RAD51B: variants seen among roughly 807,000 people sequenced by gnomAD.
RAD51B encodes the protein RAD51 paralog B.
RAD51B carries 38 observed loss-of-function variants against 42.2 expected under a neutral mutation model. The ratio of observed to expected loss-of-function variants is 0.90; its 90% CI spans 0.70 to 1.18. RAD51B has a LOEUF of 1.18. Ranked by LOEUF, RAD51B falls within the 50% of genes most tolerant of loss-of-function variation. The pLI, the probability that RAD51B is intolerant of heterozygous loss-of-function variation, is 0.00. For synonymous variants in RAD51B, 154 were observed against 145.2 expected, an observed-to-expected ratio of 1.06 and a Z score of -0.43; for missense variants, 373 against 400.7, an observed-to-expected ratio of 0.93 and a Z score of 0.59.
At chr14:68,145,349 A>G (rs1221616882) in intron 7 of RAD51B, among the ~76,000 whole-genome samples, 1 of 152,218 alleles carries the variant, frequency 6.6e-6, no homozygotes, top group East Asian at 1.9e-4. Context: ...GGGTTTGAAT[A>G]TCTTGTTCTG....
At chr14:68,608,931 C>A (rs1891562239) in intron 10 of RAD51B, among the ~76,000 whole-genome samples, 1 of 152,160 alleles carries the variant, frequency 6.6e-6, no homozygotes, top group Non-Finnish European at 1.5e-5. Flanking sequence ...CTCCGGGGCC[C>A]CCACTTCTCA....
At chr14:67,826,930 G>A (rs1043426730) in intron 3 of RAD51B, among the ~76,000 whole-genome samples, 5 of 151,990 alleles carry the variant, frequency 3.3e-5, no homozygotes, top group Admixed American at 2.0e-4. Context: ...TGATCCTCCC[G>A]CCTCGGCCTC....
chr14:68,130,524 A>G (rs571448533), intron 7 of RAD51B, among the ~76,000 whole-genome samples: 3 of 152,356 alleles, frequency 2.0e-5, no homozygotes, highest in East Asian at 3.9e-4. Flanking sequence ...TTGTTCTTCA[A>G]AATTCTCATT....
chr14:68,549,409 A>ATTTTTTTTTTTTTTTTTTTTTTTTTTTT lies in RAD51B; in HGVS notation c.1037-45052_1037-45051insTTTTTTTTTTTTTTTTTTTTTTTTTTTT, dbSNP rs71129897. 3.0e-4 allele frequency among the ~76,000 whole-genome samples: 19 copies of ATTTTTTTTTTTTTTTTTTTTTTTTTTTT among 63,554 alleles called. 1 individual carries two copies. The highest frequency in any genetic ancestry group is 7.4e-4 in the South Asian group (1 of 1,344). 41.7% of individuals were successfully genotyped at this position (63,554 alleles called of 152,430 possible). A position where few individuals can be genotyped will look rare whatever the true frequency, so the allele number is the denominator to read the frequency against. On this transcript the variant is annotated intron_variant, in intron 10 of 10. Coordinates refer to the RAD51B transcript ENST00000487270. ...AGTGCTTCATCCATGCCCTGGACAC[A>ATTTTTTTTTTTTTTTTTTTTTTTTTTTT]TTTTTTTTTTTTTTTTTTTTTTTTG...
intron 7 of RAD51B, among the ~76,000 whole-genome samples, chr14:67,936,060 A>G (rs1405704011): frequency 6.6e-6 from 1 of 152,338 alleles, no homozygotes; most frequent in African/African-American, 2.4e-5. Flanking sequence ...AAAGCCTTCA[A>G]AAAACAAAAA....
chr14:67,861,576 TAA>T (rs34392333), intron 4 of RAD51B, among the ~76,000 whole-genome samples: 49 of 138,618 alleles, frequency 3.5e-4, no homozygotes, highest in Non-Finnish European at 3.6e-4. Context: ...AACCTGTCTT[TAA>T]AAAAAAAAAA....
chr14:68,539,674 T>C (rs1480572121), intron 10 of RAD51B, among the ~76,000 whole-genome samples: 1 of 152,176 alleles, frequency 6.6e-6, no homozygotes, highest in Non-Finnish European at 1.5e-5. Context: ...CTAAGGGTGA[T>C]TGAATGCACA....
intron 7 of RAD51B, among the ~76,000 whole-genome samples, chr14:68,021,294 C>G (rs980644067): frequency 6.6e-6 from 1 of 152,162 alleles, no homozygotes; most frequent in Non-Finnish European, 1.5e-5. Flanking sequence ...TGCCTTCACA[C>G]GAGGATCAGA....
intron 10 of RAD51B, among the ~76,000 whole-genome samples, chr14:68,586,414 G>T (rs1181656535): frequency 6.6e-6 from 1 of 152,156 alleles, no homozygotes; most frequent in Non-Finnish European, 1.5e-5. Context: ...CCCTTGTGCC[G>T]ATCGGTTCCA....
chr14:68,274,204 TC>T (rs1410468938), intron 7 of RAD51B, among the ~76,000 whole-genome samples: 2 of 152,114 alleles, frequency 1.3e-5, no homozygotes, highest in Non-Finnish European at 2.9e-5. Flanking sequence ...ATTCTCTCCT[TC>T]CATTTCACTC....
At chr14:68,604,444 G>C (rs535806252) in intron 10 of RAD51B, among the ~76,000 whole-genome samples, 11 of 152,358 alleles carry the variant, frequency 7.2e-5, no homozygotes, top group African/African-American at 2.4e-4. Context: ...TGTCCCGCCA[G>C]TGGCTGCACC....
At chr14:68,325,884 A>C (rs1276305956) in intron 8 of RAD51B, among the ~76,000 whole-genome samples, 2 of 152,148 alleles carry the variant, frequency 1.3e-5, no homozygotes, top group Non-Finnish European at 2.9e-5. Flanking sequence ...AGTGTTTTTT[A>C]ATGGCTCTCT....
chr14:68,099,317 G>T (rs1477579112), intron 7 of RAD51B, among the ~76,000 whole-genome samples: 1 of 152,202 alleles, frequency 6.6e-6, no homozygotes, highest in Non-Finnish European at 1.5e-5. Context: ...TGTCTTTGAC[G>T]TTTGACCTAG....
rs543031694 is a variant in RAD51B, at chr14:68,433,472, CTCT to C, written c.957+21950_957+21952del. On this transcript the variant is annotated intron_variant, in intron 9 of 10. Coordinates refer to ENST00000471583, the MANE Select transcript of RAD51B (RefSeq NM_133510.4). ...TTTTTATTCTTTTTTCTCTAAACTT[CTCT>C]TCTTGCTTTATTTCATTCATTTGAT... is the stretch of plus-strand genomic sequence containing the variant. Among the ~76,000 whole-genome samples the C allele has an allele frequency of 3.4e-3, 515 of 152,202 alleles. 1 individual carries two copies. Among genetic ancestry groups the C allele is most frequent in the African/African-American group, 0.012 (492 of 41,506 alleles).
At chr14:67,838,199 A>G (rs2041310395) in intron 4 of RAD51B, among the ~76,000 whole-genome samples, 1 of 152,148 alleles carries the variant, frequency 6.6e-6, no homozygotes, top group African/African-American at 2.4e-5. Flanking sequence ...GCTGATGGAC[A>G]CTTAGGTTGA....
At chr14:68,460,673 C>T (rs1035747070) in intron 9 of RAD51B, among the ~76,000 whole-genome samples, 11 of 152,186 alleles carry the variant, frequency 7.2e-5, no homozygotes, top group African/African-American at 2.4e-4. Context: ...GGTGACTATG[C>T]CCAGCACTTT....
chr14:68,174,379 CA>C (rs5809370), intron 7 of RAD51B, among the ~76,000 whole-genome samples: 3 of 144,670 alleles, frequency 2.1e-5, no homozygotes. Flanking sequence ...ACCCTGTCTC[CA>C]AAAAAAAAAG....
At position 68,559,541 on chromosome 14, in the gene RAD51B, C is replaced by T. The variant is rs150157642; in HGVS notation, c.1037-34944C>T. Among the ~76,000 whole-genome samples the T allele has an allele frequency of 1.6e-3, 244 of 152,136 alleles. 2 individuals are homozygous for T. The highest frequency in any genetic ancestry group is 5.4e-3 in the African/African-American group (226 of 41,506). On this transcript the variant is annotated intron_variant, in intron 10 of 10. Transcript: ENST00000487270. ...AATTACAGGTGCCCTCCACCACACC[C>T]GGCTAATTTTTGCCTTTTTGGTAGA...
At chr14:68,394,025 A>G (rs1317382415) in intron 8 of RAD51B, among the ~76,000 whole-genome samples, 11 of 152,176 alleles carry the variant, frequency 7.2e-5, no homozygotes, top group African/African-American at 2.7e-4. Flanking sequence ...CTGACTGAAC[A>G]GTGAGCCAGG....
Sources: allele counts gnomAD v4.1 joint callset (sites outside exome capture counted in the v4.1 genomes callset), GRCh38; gene constraint gnomAD v4.1.1; transcripts MANE v1.5; gene names NCBI Gene and HGNC (gene_info 2026-07-23, HGNC 2026-07-21).